STX3: variants seen among roughly 807,000 people sequenced by gnomAD.
STX3 encodes the protein syntaxin 3.
A neutral mutation model predicts 40.2 loss-of-function variants in STX3; 19 were observed. The ratio of observed to expected loss-of-function variants is 0.47; its 90% CI spans 0.33 to 0.69. STX3 has a LOEUF of 0.69. Among genes scored for constraint, STX3 ranks in the 30% least tolerant of loss-of-function variants. STX3 has a pLI of 0.02. For synonymous variants in STX3, 122 were observed against 132.2 expected (o/e 0.92, Z 0.53); for missense variants, 364 against 366.7 (o/e 0.99, Z 0.06).
intron 8 of STX3, 72 bp downstream of exon 8, chr11:59,793,586 A>C: frequency 6.5e-7 from 1 of 1,539,966 alleles, no homozygotes; most frequent in Admixed American, 1.9e-5. Flanking sequence ...ACAGGGAGAA[A>C]GGGAATACTG....
At chr11:59,780,562 C>T (rs1864303361) in intron 2 of STX3, among the ~76,000 whole-genome samples, 1 of 152,218 alleles carries the variant, frequency 6.6e-6, no homozygotes, top group Admixed American at 6.5e-5. Context: ...CTTTCTCTCT[C>T]TACCTCAGAC....
intron 9 of STX3, 151 bp downstream of exon 9, chr11:59,795,633 T>C (rs760062716): frequency 6.5e-7 from 1 of 1,539,040 alleles, no homozygotes. Flanking sequence ...GAGAACAACA[T>C]GGACCAGTCA....
chr11:59,767,718 A>G (rs1863347341), intron 1 of STX3, among the ~76,000 whole-genome samples: 1 of 152,196 alleles, frequency 6.6e-6, no homozygotes, highest in Non-Finnish European at 1.5e-5. Flanking sequence ...AAAACTCTGC[A>G]TGGGAAAATG....
intron 2 of STX3, chr11:59,781,839 T>C (rs1348413407): frequency 7.0e-6 from 7 of 1,000,038 alleles, no homozygotes; most frequent in Non-Finnish European, 1.0e-5. Flanking sequence ...TGGGATTCTG[T>C]CATTTTTTGG....
At chr11:59,795,768 C>G in intron 9 of STX3, 1 of 1,446,714 alleles carries the variant, frequency 6.9e-7, no homozygotes, top group Non-Finnish European at 9.4e-7. Flanking sequence ...AGTATCTCTT[C>G]TCCCTGGCCA....
At chr11:59,755,820 G>A (rs1475529762) in intron 1 of STX3, among the ~76,000 whole-genome samples, 185 bp downstream of exon 1, 1 of 152,194 alleles carries the variant, frequency 6.6e-6, no homozygotes, top group African/African-American at 2.4e-5. Flanking sequence ...CATGTGCCCG[G>A]TGATTCATCG....
At chr11:59,794,418 A>C (rs557134635) in intron 8 of STX3, among the ~76,000 whole-genome samples, 1 of 152,330 alleles carries the variant, frequency 6.6e-6, no homozygotes, top group Admixed American at 6.5e-5. Flanking sequence ...CTTCCATAGT[A>C]GGCAGACTGC....
Position 59,801,689 on chromosome 11 carries a change from C to T in STX3, c.*865C>T. On this transcript the variant is annotated 3_prime_UTR_variant, in exon 11 of 11. Transcript: ENST00000337979. ...GGACAAGGTGCTAGAATCCTAAGCTCTGGAAATATTTCATGACACTGGTGT... is the reference window on the plus strand; with the variant it reads ...GGACAAGGTGCTAGAATCCTAAGCTTTGGAAATATTTCATGACACTGGTGT... 1 of 985,726 alleles carries T rather than the reference C, an allele frequency of 1.0e-6. No homozygotes were observed. Among genetic ancestry groups the T allele is most frequent in the Non-Finnish European group, 1.2e-6 (1 of 829,930 alleles). The allele number at this position is 985,726 out of a possible 1,614,324, so 61.1% of individuals were successfully genotyped here.
At chr11:59,788,102 C>T (rs921791574) in intron 3 of STX3, among the ~76,000 whole-genome samples, 6 of 152,166 alleles carry the variant, frequency 3.9e-5, no homozygotes, top group Admixed American at 3.3e-4. Context: ...TGTTTCTTCT[C>T]GTGGAATTCC....
rs947674747 is a variant in STX3 at position 59,804,953 on chromosome 11, T to G, written c.*4129T>G. 14 of 152,138 alleles carry G rather than the reference T, an allele frequency of 9.2e-5. No homozygotes were observed. 9.4% of individuals were successfully genotyped at this position (152,138 alleles called of 1,614,324 possible). ...TGGCTCATGCCTGTAATCACAGCAC[T>G]TTGGGAGGCCAAGGCAGGTGGATCA... On this transcript the variant is annotated 3_prime_UTR_variant, in exon 11 of 11. Coordinates refer to ENST00000337979, the MANE Select transcript of STX3 (RefSeq NM_004177.5).
At chr11:59,789,494 G>T (rs566523316) in intron 4 of STX3, among the ~76,000 whole-genome samples, 18 of 151,518 alleles carry the variant, frequency 1.2e-4, no homozygotes, top group African/African-American at 4.4e-4. Flanking sequence ...AGGCCAGAAG[G>T]CAGTGGCTCA....
At chr11:59,772,986 C>A (rs1408802421) in intron 1 of STX3, among the ~76,000 whole-genome samples, 1 of 151,466 alleles carries the variant, frequency 6.6e-6, no homozygotes, top group Non-Finnish European at 1.5e-5. Flanking sequence ...CACACACACA[C>A]ACACACACAC....
At position 59,766,436 on chromosome 11, in the gene STX3, A is replaced by G. The variant is rs74885471; in HGVS notation, c.31-6775A>G. 1.1e-4 allele frequency among the ~76,000 whole-genome samples: 16 copies of G among 152,278 alleles called. No individual in the cohort carries two copies. The South Asian group carries it at 3.3e-3, about 32-fold the overall frequency. ...GAAATCTTATATTGAATCCCAGTGT[A>G]TAAAGCAGATAAAAGTAAAGCTCTG... On this transcript the variant is annotated intron_variant, in intron 1 of 10. Coordinates refer to ENST00000337979, the MANE Select transcript of STX3 (RefSeq NM_004177.5).
Position 59,803,144 on chromosome 11 carries a change from A to C in STX3, c.*2320A>C, listed in dbSNP as rs911615304. 4 of 1,230,706 alleles carry C rather than the reference A, an allele frequency of 3.3e-6. No homozygotes were observed. The highest frequency in any genetic ancestry group is 3.0e-6 in the Non-Finnish European group (3 of 987,510). 76.2% of individuals were successfully genotyped at this position (1,230,706 alleles called of 1,614,324 possible). The stretch of plus-strand genomic sequence containing the variant: ...CACACCCTCTTCCATGTCCACATGC[A>C]CTTATCTCCCTGCAGAATACTTTTT... On this transcript the variant is annotated 3_prime_UTR_variant, in exon 11 of 11. Transcript: ENST00000337979.
At position 59,797,378 on chromosome 11, in the gene STX3, G is replaced by C; in HGVS notation, c.*12G>C. The stretch of plus-strand genomic sequence containing the variant: ...TTGGGCTGAATTAAGAGTGGCCTAA[G>C]AGGCTGCTGCACTGAAATGTAAGTA... On this transcript the variant is annotated 3_prime_UTR_variant, in exon 10 of 11. Coordinates refer to ENST00000337979, the MANE Select transcript of STX3 (RefSeq NM_004177.5). The C allele has an allele frequency of 1.2e-6, 2 of 1,614,062 alleles. No individual in the cohort carries two copies. The highest frequency in any genetic ancestry group is 1.7e-6 in the Non-Finnish European group (2 of 1,179,962).
chr11:59,754,515 G>A (rs1353732784), upstream of STX3: 2 of 153,198 alleles, frequency 1.3e-5, no homozygotes, highest in Non-Finnish European at 2.9e-5. Context: ...AAGAGGGAGA[G>A]GCGGGGAGAA....
In STX3 at chr11:59,802,906, C is replaced by A; in HGVS notation, c.*2082C>A. The A allele has an allele frequency of 3.0e-6, 3 of 985,300 alleles. No homozygotes were observed. The highest frequency in any genetic ancestry group is 3.6e-6 in the Non-Finnish European group (3 of 829,912). The allele number at this position is 985,300 out of a possible 1,614,324, so 61.0% of individuals were successfully genotyped here. On this transcript the variant is annotated 3_prime_UTR_variant, in exon 11 of 11. Coordinates refer to ENST00000337979, the MANE Select transcript of STX3 (RefSeq NM_004177.5). ...GTTTGTGTTTCAGATTTGAGGTGTT[C>A]CCCCCAAAAGAATTTGGTTCAGTCC...
At chr11:59,763,440 G>A (rs1000610697) in intron 1 of STX3, among the ~76,000 whole-genome samples, 1 of 152,168 alleles carries the variant, frequency 6.6e-6, no homozygotes, top group Non-Finnish European at 1.5e-5. Context: ...AGGTAGGATG[G>A]CATGTGAGGA....
intron 1 of STX3, among the ~76,000 whole-genome samples, chr11:59,758,031 T>C (rs1260302383): frequency 6.6e-6 from 1 of 152,200 alleles, no homozygotes; most frequent in African/African-American, 2.4e-5. Flanking sequence ...GCAATCTCTT[T>C]CTGTGGTGTT....
Sources: allele counts gnomAD v4.1 joint callset (sites outside exome capture counted in the v4.1 genomes callset), GRCh38; gene constraint gnomAD v4.1.1; transcripts MANE v1.5; gene names NCBI Gene and HGNC (gene_info 2026-07-23, HGNC 2026-07-21).